The following ANKRD17 variants were observed in gnomAD, a reference collection of about 807,000 sequenced individuals.
ANKRD17 encodes ankyrin repeat domain 17, also known as ankyrin repeat domain-containing protein 17.
Under a neutral mutation model 229.7 loss-of-function variants are expected in ANKRD17, and 19 were observed. The observed-to-expected ratio is 0.08, with a 90% CI of 0.06 to 0.12. The LOEUF is 0.12. Ranked by LOEUF, ANKRD17 falls within the 10% of genes least tolerant of loss-of-function variation. ANKRD17 has a pLI of 1.00. For missense variants in ANKRD17, 2,176 were observed against 3,176.8 expected (o/e 0.68, Z 7.57); for synonymous variants, 1,112 against 1,146.1 (o/e 0.97, Z 0.60).
intron 24 of ANKRD17, among the ~76,000 whole-genome samples, chr4:73,106,536 G>A (rs1724643666): frequency 6.6e-6 from 1 of 152,162 alleles, no homozygotes; most frequent in South Asian, 2.1e-4. Flanking sequence ...AATCAACGAA[G>A]AGGCACTGAG....
At chr4:73,205,557 ACAT>A (rs903060999) in intron 1 of ANKRD17, among the ~76,000 whole-genome samples, 43 of 152,328 alleles carry the variant, frequency 2.8e-4, no homozygotes, top group Middle Eastern at 3.4e-3. Context: ...AAATGCAATT[ACAT>A]CCTATCTCAC....
chr4:73,182,978 A>G (rs1276153889), intron 1 of ANKRD17, among the ~76,000 whole-genome samples: 1 of 152,178 alleles, frequency 6.6e-6, no homozygotes, highest in Non-Finnish European at 1.5e-5. Flanking sequence ...AAAATTAAAA[A>G]CAACAACAAC....
chr4:73,106,243 C>CA lies in ANKRD17; in HGVS notation c.4402-3697dup, dbSNP rs1245759149. 1.1e-4 allele frequency among the ~76,000 whole-genome samples: 16 copies of CA among 150,910 alleles called. No homozygotes were observed. The East Asian group carries it at 2.1e-3, about 20-fold the overall frequency. On this transcript the variant is annotated intron_variant, in intron 24 of 33. Coordinates refer to ENST00000358602, the MANE Select transcript of ANKRD17 (RefSeq NM_032217.5). ...TGGGCAACAGAGCAAGACTCCGTCT[C>CA]AAAAAAAATAAATAAATAAAAATAA...
At position 73,091,648 on chromosome 4, in the gene ANKRD17, CAGA is replaced by C. The variant is rs1386047829; in HGVS notation, c.5977_5979del (p.Ser1993del). On this transcript the variant is annotated inframe_deletion, in exon 29 of 34. Transcript: ENST00000358602. ...ACTGTGACAAAAAGCTGCCTTCGGA[CAGA>C]AGGTGAACTTGGACTGCCATTTGTA... is the stretch of plus-strand genomic sequence containing the variant. 6.2e-7 allele frequency: 1 copy of C among 1,614,216 alleles called. No individual in the cohort carries two copies. The highest frequency in any genetic ancestry group is 1.3e-5 in the African/African-American group (1 of 75,056).
intron 1 of ANKRD17, 61 bp downstream of exon 1, chr4:73,258,215 C>T: frequency 6.2e-7 from 1 of 1,608,686 alleles, no homozygotes; most frequent in East Asian, 2.2e-5. Context: ...TCCCCTCCCA[C>T]CTTCGGCCCC....
chr4:73,082,442 T>C lies in ANKRD17; in HGVS notation c.7159+2807A>G, dbSNP rs567632661. The stretch of plus-strand genomic sequence containing the variant: ...GTTTGATTGAGGCTGCAGTAAGCTA[T>C]GGTCACACACTGCTGCATTCCAGCC... On this transcript the variant is annotated intron_variant, in intron 30 of 33. Coordinates refer to ENST00000358602, the MANE Select transcript of ANKRD17 (RefSeq NM_032217.5). 3.6e-4 allele frequency among the ~76,000 whole-genome samples: 55 copies of C among 152,156 alleles called. No individual in the cohort carries two copies. The South Asian group carries it at 0.011, about 30-fold the overall frequency.
chr4:73,146,754 CAT>C lies in ANKRD17; in HGVS notation c.1869+8_1869+9del. 6.4e-7 allele frequency: 1 copy of C among 1,564,926 alleles called. No homozygotes were observed. Among genetic ancestry groups the C allele is most frequent in the Non-Finnish European group, 8.7e-7 (1 of 1,145,616 alleles). ...TTAAATATTAAGATTTAAAAAGTAA[CAT>C]AGCTTACCAGATCTGCGCCTGCCTG... On this transcript the variant is annotated splice_region_variant and intron_variant, in intron 10 of 33. Transcript: ENST00000358602.
chr4:73,219,246 T>C (rs1024626114), intron 1 of ANKRD17, among the ~76,000 whole-genome samples: 3 of 152,212 alleles, frequency 2.0e-5, no homozygotes, highest in African/African-American at 4.8e-5. Context: ...AATGTCACCA[T>C]GGTTACTTTA....
At chr4:73,119,395 T>C (rs980601517) in intron 21 of ANKRD17, among the ~76,000 whole-genome samples, 3 of 152,170 alleles carry the variant, frequency 2.0e-5, no homozygotes, top group Non-Finnish European at 4.4e-5. Flanking sequence ...CCATCCCTAA[T>C]CTGAAATCCA....
At chr4:73,156,939 AATTC>A (rs142985936) in intron 3 of ANKRD17, among the ~76,000 whole-genome samples, 4,357 of 152,234 alleles carry the variant, frequency 0.029, 195 homozygotes, top group African/African-American at 0.1. Context: ...AAAATGATTG[AATTC>A]ATTGAGTTTT....
Position 73,123,368 on chromosome 4 carries a change from T to C in ANKRD17, c.3492+1545A>G, listed in dbSNP as rs539252449. On this transcript the variant is annotated intron_variant, in intron 18 of 33. Transcript: ENST00000358602. ...TTAAGTGGTTCATTTTTCACTATCT[T>C]AATATTTGGCTTATAATACTTTTAA... Among the ~76,000 whole-genome samples, 81 of 152,194 alleles carry C rather than the reference T, an allele frequency of 5.3e-4. 1 individual carries two copies. The South Asian group carries it at 0.016, about 29-fold the overall frequency.
intron 1 of ANKRD17, among the ~76,000 whole-genome samples, chr4:73,189,886 C>A (rs1043755248): frequency 6.6e-6 from 1 of 152,024 alleles, no homozygotes; most frequent in African/African-American, 2.4e-5. Flanking sequence ...AATGCAATAA[C>A]CAAACAGGTA....
intron 30 of ANKRD17, among the ~76,000 whole-genome samples, chr4:73,083,561 G>T (rs1721784444): frequency 6.6e-6 from 1 of 152,086 alleles, no homozygotes; most frequent in South Asian, 2.1e-4. Flanking sequence ...ATAGTTACTG[G>T]AATGTGGCAA....
intron 1 of ANKRD17, among the ~76,000 whole-genome samples, chr4:73,183,715 G>A (rs1363694211): frequency 6.6e-6 from 1 of 151,896 alleles, no homozygotes; most frequent in African/African-American, 2.4e-5. Context: ...GGTGAGTTTC[G>A]GCCTCTCAAA....
chr4:73,113,609 G>A (rs938227948), intron 24 of ANKRD17, among the ~76,000 whole-genome samples, 183 bp downstream of exon 24: 5 of 152,170 alleles, frequency 3.3e-5, no homozygotes, highest in East Asian at 1.9e-4. Flanking sequence ...TAGTTACAAA[G>A]AAGCTTTCAA....
At chr4:73,213,100 A>C (rs891097779) in intron 1 of ANKRD17, among the ~76,000 whole-genome samples, 1 of 152,098 alleles carries the variant, frequency 6.6e-6, no homozygotes, top group African/African-American at 2.4e-5. Context: ...AATAATATAT[A>C]ATTCAAAGCC....
chr4:73,201,081 A>G (rs1034961903), intron 1 of ANKRD17, among the ~76,000 whole-genome samples: 9 of 151,866 alleles, frequency 5.9e-5, no homozygotes, highest in African/African-American at 2.2e-4. Flanking sequence ...ATAAAATGCC[A>G]TATAGAGTAA....
chr4:73,155,939 G>A (rs1296839444), intron 4 of ANKRD17, 80 bp downstream of exon 4: 1 of 1,507,758 alleles, frequency 6.6e-7, no homozygotes, highest in South Asian at 1.4e-5. Context: ...ATGGTTGGAA[G>A]GATTTATTTT....
At chr4:73,256,154 A>G (rs1408335728) in intron 1 of ANKRD17, among the ~76,000 whole-genome samples, 3 of 152,218 alleles carry the variant, frequency 2.0e-5, no homozygotes, top group Non-Finnish European at 4.4e-5. Flanking sequence ...TAGTTGGTGA[A>G]AGTCAACATA....
Sources: allele counts gnomAD v4.1 joint callset (sites outside exome capture counted in the v4.1 genomes callset), GRCh38; gene constraint gnomAD v4.1.1; transcripts MANE v1.5; gene names NCBI Gene and HGNC (gene_info 2026-07-23, HGNC 2026-07-21).